MARCHF7: variants seen among roughly 807,000 people sequenced by gnomAD.
MARCHF7 encodes the protein membrane associated ring-CH-type finger 7.
A neutral mutation model predicts 76.5 loss-of-function variants in MARCHF7; 20 were observed. The ratio of observed to expected loss-of-function variants is 0.26; its 90% confidence interval spans 0.18 to 0.38. The LOEUF is 0.38. MARCHF7 is among the 10% of genes least tolerant of loss of function. The probability of loss-of-function intolerance (pLI) is 1.00; values close to 1 mark genes in which losing one functional copy is unlikely to be tolerated. For synonymous variants in MARCHF7, 295 were observed against 293.0 expected, an observed-to-expected ratio of 1.01 and a Z score of -0.07; for missense variants, 797 against 812.9, an observed-to-expected ratio of 0.98 and a Z score of 0.24.
intron 9 of MARCHF7, among the ~76,000 whole-genome samples, chr2:159,759,951 C>T (rs1706823686): frequency 6.6e-6 from 1 of 152,124 alleles, no homozygotes; most frequent in Non-Finnish European, 1.5e-5. Flanking sequence ...AAAACAAAAA[C>T]ACTTTTTAAA....
chr2:159,729,127 T>C lies in MARCHF7; in HGVS notation c.105T>C (p.Asp35=). 6.2e-7 allele frequency: 1 copy of C among 1,610,580 alleles called. No individual in the cohort carries two copies. Among genetic ancestry groups the C allele is most frequent in the Non-Finnish European group, 8.5e-7 (1 of 1,178,626 alleles). The change falls in exon 4 of 12, where the codon GAT becomes GAC. Residue 35 remains aspartate, a synonymous_variant. Coordinates refer to ENST00000409175, the MANE Select transcript of MARCHF7 (RefSeq NM_001282805.2). ...MSGSRGSSLN[D]TYHSRDSSFR... is the part of the protein sequence containing the mutation. ...GAAGCAGAGGAAGTAGTTTAAATGA[T>C]ACCTATCACTCAAGAGACTCTTCAT...
Sources: gnomAD v4.1 joint callset for allele counts (sites outside exome capture counted in the v4.1 genomes callset) on GRCh38, gnomAD v4.1.1 for gene constraint, MANE v1.5 for transcripts, NCBI Gene and HGNC (gene_info 2026-07-23, HGNC 2026-07-21) for gene names.